The following TIFA variants were observed in gnomAD, a reference collection of about 807,000 sequenced individuals.
TIFA encodes TRAF-interacting protein with FHA domain-containing protein A.
For synonymous variants in TIFA, 75 were observed against 79.2 expected (o/e 0.95, Z 0.28); for missense variants, 186 against 215.2 (o/e 0.86, Z 0.85).
chr4:112,281,650 T>C (rs1032974933), intron 1 of TIFA: 1 of 152,132 alleles, frequency 6.6e-6, no homozygotes, highest in East Asian at 1.9e-4. Flanking sequence ...TTAACAACCA[T>C]GTCAATGAAA....
chr4:112,276,908 G>C lies in TIFA; in HGVS notation c.*954C>G, dbSNP rs753504449. 2 of 152,120 alleles carry C rather than the reference G, an allele frequency of 1.3e-5. No homozygotes were observed. Among genetic ancestry groups the C allele is most frequent in the Admixed American group, 6.6e-5 (1 of 15,262 alleles). The allele number at this position is 152,120 out of a possible 1,614,324, so 9.4% of individuals were successfully genotyped here. ...TTCATAGCTACCTTAGTTAAGATAA[G>C]TCGAATAAGTATCTTAAATAAATAA... On this transcript the variant is annotated 3_prime_UTR_variant, in exon 2 of 2. Transcript: ENST00000361717.
At position 112,276,078 on chromosome 4, in the gene TIFA, T is replaced by C. The variant is rs753561774; in HGVS notation, c.*1784A>G. ...GCTATAACAAATTACTGTGATTTAG[T>C]GGCTTACGACCAACACAAATTTATC... On this transcript the variant is annotated 3_prime_UTR_variant, in exon 2 of 2. Transcript: ENST00000361717. 1 of 152,272 alleles carries C rather than the reference T, an allele frequency of 6.6e-6. No homozygotes were observed. Among genetic ancestry groups the C allele is most frequent in the Non-Finnish European group, 1.5e-5 (1 of 68,050 alleles). The allele number at this position is 152,272 out of a possible 1,614,324, so 9.4% of individuals were successfully genotyped here. A position where few individuals can be genotyped will look rare whatever the true frequency, so the allele number is the denominator to read the frequency against.
At chr4:112,285,095 C>T (rs1727297609) in intron 1 of TIFA, among the ~76,000 whole-genome samples, 1 of 152,104 alleles carries the variant, frequency 6.6e-6, no homozygotes, top group African/African-American at 2.4e-5. Flanking sequence ...GGAAATTCCA[C>T]CTTTCAATCT....
Position 112,275,730 on chromosome 4 carries a change from A to G in TIFA, c.*2132T>C, listed in dbSNP as rs1433407243. 1 of 152,228 alleles carries G rather than the reference A, an allele frequency of 6.6e-6. No homozygotes were observed. The highest frequency in any genetic ancestry group is 2.4e-5 in the African/African-American group (1 of 41,462). 9.4% of individuals were successfully genotyped at this position (152,228 alleles called of 1,614,324 possible). ...CAAGATTTTTCTGGCCCTAAATATT[A>G]CTTAACACATTGTTTGGATTCAATA... On this transcript the variant is annotated 3_prime_UTR_variant, in exon 2 of 2. Transcript: ENST00000361717.
intron 1 of TIFA, among the ~76,000 whole-genome samples, chr4:112,282,360 A>G (rs1422294747): frequency 1.3e-5 from 2 of 152,216 alleles, no homozygotes; most frequent in African/African-American, 2.4e-5. Flanking sequence ...TACTTATTTC[A>G]TGCCTTTCAT....
intron 1 of TIFA, among the ~76,000 whole-genome samples, chr4:112,283,521 G>A (rs961270940): frequency 6.6e-6 from 1 of 152,128 alleles, no homozygotes; most frequent in Non-Finnish European, 1.5e-5. Context: ...TCTACAAAGT[G>A]ACCTGAACAC....
At chr4:112,279,706 G>A (rs892752181) in intron 1 of TIFA, among the ~76,000 whole-genome samples, 12 of 149,412 alleles carry the variant, frequency 8.0e-5, no homozygotes, top group African/African-American at 2.5e-4. Context: ...GGTCTCTGTC[G>A]CCCAGGCTGG....
In TIFA at chr4:112,277,993, T is replaced by C; in HGVS notation, c.424A>G (p.Ile142Val). The change falls in exon 2 of 2, where the codon ATT becomes GTT. Residue 142 changes from isoleucine to valine, a missense_variant. By Grantham distance (29) the Ile-to-Val change is conservative (BLOSUM62 3). Transcript: ENST00000361717. ...TGCAAGAGTGATCTTGGAGATAAAA[T>C]AAATTGAGTCTCAAAAAATTCCAAT... ...ESLEFFETQF[I>V]LSPRSLLQEN... 6.2e-7 allele frequency: 1 copy of C among 1,614,046 alleles called. No homozygotes were observed. The highest frequency in any genetic ancestry group is 1.7e-5 in the Admixed American group (1 of 59,996).
Position 112,278,104 on chromosome 4 carries a change from A to G in TIFA, c.313T>C (p.Tyr105His). The change falls in exon 2 of 2, where the codon TAC (tyrosine) becomes CAC (histidine). Residue 105 changes from tyrosine to histidine, a missense_variant. Coordinates refer to ENST00000361717, the MANE Select transcript of TIFA (RefSeq NM_052864.3). Reference protein sequence around the residue: ...NLIVDSRELGYLNKMDLPYRC... With the variant: ...NLIVDSRELGHLNKMDLPYRC... ...TATGGCAGGTCCATTTTATTTAGGT[A>G]GCCCAGCTCTCTGCTGTCCACGATC... The G allele has an allele frequency of 6.2e-7, 1 of 1,613,990 alleles. No individual in the cohort carries two copies. Among genetic ancestry groups the G allele is most frequent in the Non-Finnish European group, 8.5e-7 (1 of 1,180,008 alleles).
intron 1 of TIFA, among the ~76,000 whole-genome samples, chr4:112,283,231 A>T (rs1727258198): frequency 6.6e-6 from 1 of 152,178 alleles, no homozygotes; most frequent in Non-Finnish European, 1.5e-5. Flanking sequence ...GGGGGACATA[A>T]ATGTGTGTGG....
rs768817349 is a variant in TIFA at position 112,278,024 on chromosome 4, G to A, written c.393C>T (p.Gly131=). The change falls in exon 2 of 2, where the codon GGC becomes GGT. Residue 131 remains glycine, a synonymous_variant. Coordinates refer to ENST00000361717, the MANE Select transcript of TIFA (RefSeq NM_052864.3). ...GAGTCTCAAAAAATTCCAATGACTC[G>A]CCATCTTCCTTCTCCATCAGAAACT... is the stretch of plus-strand genomic sequence containing the variant. ...EYQFLMEKED[G]ESLEFFETQF... is the part of the protein sequence containing the mutation. The A allele has an allele frequency of 1.2e-5, 19 of 1,613,760 alleles. No individual in the cohort carries two copies. The highest frequency in any genetic ancestry group is 2.2e-5 in the South Asian group (2 of 91,070).
chr4:112,277,671 C>CTAGGAGGTAG lies in TIFA; in HGVS notation c.*190_*191insCTACCTCCTA. Reference sequence around the variant, plus strand: ...GCAGTTAAAATAATTTTGTGTAGATCCAGAATACAACAGGTGACTAAGTTA... The same window carrying CTAGGAGGTAG: ...GCAGTTAAAATAATTTTGTGTAGATCTAGGAGGTAGCAGAATACAACAGGTGACTAAGTTA... On this transcript the variant is annotated 3_prime_UTR_variant, in exon 2 of 2. Transcript: ENST00000361717. The CTAGGAGGTAG allele has an allele frequency of 7.3e-6, 3 of 409,582 alleles. No homozygotes were observed. The highest frequency in any genetic ancestry group is 1.4e-4 in the South Asian group (2 of 14,774). The allele number at this position is 409,582 out of a possible 1,614,324, so 25.4% of individuals were successfully genotyped here.
In TIFA at chr4:112,275,632, A is replaced by G. The variant is rs1727096508; in HGVS notation, c.*2230T>C. On this transcript the variant is annotated 3_prime_UTR_variant, in exon 2 of 2. Transcript: ENST00000361717. The stretch of plus-strand genomic sequence containing the variant: ...ATCTTTGAAGAAAAGAAAATAGAAT[A>G]AAAAATTTAATATTTCTCAAGTTGA... 6.6e-6 allele frequency: 1 copy of G among 152,212 alleles called. No individual in the cohort carries two copies. 9.4% of individuals were successfully genotyped at this position (152,212 alleles called of 1,614,324 possible). A position where few individuals can be genotyped will look rare whatever the true frequency, so the allele number is the denominator to read the frequency against.
chr4:112,282,170 G>A (rs1727240027), intron 1 of TIFA, among the ~76,000 whole-genome samples: 1 of 152,140 alleles, frequency 6.6e-6, no homozygotes, highest in African/African-American at 2.4e-5. Flanking sequence ...CTCTTTGCCT[G>A]CTGCCATCCA....
At position 112,277,840 on chromosome 4, in the gene TIFA, T is replaced by C. The variant is rs370828737; in HGVS notation, c.*22A>G. ...TACAGAGCTCTTCATCCATCATATTTCTCCTCTTAGACTTTCTGTGTTCAT... is the reference window on the plus strand; with the variant it reads ...TACAGAGCTCTTCATCCATCATATTCCTCCTCTTAGACTTTCTGTGTTCAT... On this transcript the variant is annotated 3_prime_UTR_variant, in exon 2 of 2. Transcript: ENST00000361717. The C allele has an allele frequency of 7.7e-6, 12 of 1,559,506 alleles. No individual in the cohort carries two copies. The highest frequency in any genetic ancestry group is 1.0e-5 in the Non-Finnish European group (12 of 1,156,896).
Position 112,277,578 on chromosome 4 carries a change from T to G in TIFA, c.*284A>C, listed in dbSNP as rs539318558. The G allele has an allele frequency of 4.2e-5, 10 of 240,276 alleles. No homozygotes were observed. In the South Asian group the frequency reaches 9.1e-4, roughly 22 times the overall value. The allele number at this position is 240,276 out of a possible 1,614,324, so 14.9% of individuals were successfully genotyped here. A position where few individuals can be genotyped will look rare whatever the true frequency, so the allele number is the denominator to read the frequency against. On this transcript the variant is annotated 3_prime_UTR_variant, in exon 2 of 2. Transcript: ENST00000361717. ...AGCAGAAAAAGAAAATAATATAACC[T>G]TATTTTGAGAACACGACTTCATCTC...
chr4:112,279,000 T>C (rs963858029), intron 1 of TIFA, among the ~76,000 whole-genome samples: 8 of 152,368 alleles, frequency 5.3e-5, no homozygotes, highest in African/African-American at 1.7e-4. Flanking sequence ...CTTTGATTTC[T>C]AACAGGTAAA....
At position 112,278,441 on chromosome 4, in the gene TIFA, T is replaced by C; in HGVS notation, c.-18-7A>G. ...TGATGTGCACAAGGCCCACCTGCAA[T>C]AATTAAATTACCATGTTAGTTTCTG... On this transcript the variant is annotated splice_region_variant and splice_polypyrimidine_tract_variant and intron_variant, in intron 1 of 1. Transcript: ENST00000361717. 5 of 1,512,406 alleles carry C rather than the reference T, an allele frequency of 3.3e-6. No homozygotes were observed. The highest frequency in any genetic ancestry group is 4.4e-6 in the Non-Finnish European group (5 of 1,132,544). The allele number at this position is 1,512,406 out of a possible 1,614,324, so 93.7% of individuals were successfully genotyped here. A position where few individuals can be genotyped will look rare whatever the true frequency, so the allele number is the denominator to read the frequency against.
chr4:112,277,672 C>CCGT lies in TIFA; in HGVS notation c.*189_*190insACG. Reference sequence around the variant, plus strand: ...CAGTTAAAATAATTTTGTGTAGATCCAGAATACAACAGGTGACTAAGTTAA... The same window carrying CCGT: ...CAGTTAAAATAATTTTGTGTAGATCCCGTAGAATACAACAGGTGACTAAGTTAA... On this transcript the variant is annotated 3_prime_UTR_variant, in exon 2 of 2. Transcript: ENST00000361717. 3.1e-6 allele frequency: 1 copy of CCGT among 322,362 alleles called. No homozygotes were observed. The highest frequency in any genetic ancestry group is 5.1e-6 in the Non-Finnish European group (1 of 194,978). 20.0% of individuals were successfully genotyped at this position (322,362 alleles called of 1,614,324 possible). A position where few individuals can be genotyped will look rare whatever the true frequency, so the allele number is the denominator to read the frequency against.
Sources: gnomAD v4.1 joint callset for allele counts (sites outside exome capture counted in the v4.1 genomes callset) on GRCh38, gnomAD v4.1.1 for gene constraint, MANE v1.5 for transcripts, NCBI Gene and HGNC (gene_info 2026-07-23, HGNC 2026-07-21) for gene names.